CROCC: variants seen among roughly 807,000 people sequenced by gnomAD.
CROCC encodes the protein rootletin.
A neutral mutation model predicts 245.2 loss-of-function variants in CROCC; 180 were observed. The observed-to-expected ratio is 0.73, with a 90% confidence interval of 0.65 to 0.83. The LOEUF (loss-of-function observed/expected upper bound fraction) is 0.83, where lower values mean the gene tolerates loss of function less well. Among genes scored for constraint, CROCC ranks in the 40% least tolerant of loss-of-function variants. The probability of loss-of-function intolerance (pLI) is 0.00; values close to 1 mark genes in which losing one functional copy is unlikely to be tolerated. For synonymous variants in CROCC, 1,205 were observed against 1,241.6 expected (o/e 0.97, Z 0.62); for missense variants, 2,688 against 2,779.4 (o/e 0.97, Z 0.74).
chr1:16,929,971 G>A lies in CROCC; in HGVS notation c.477G>A (p.Leu159=), dbSNP rs753585132. The A allele has an allele frequency of 2.5e-5, 39 of 1,587,056 alleles. No individual in the cohort carries two copies. In the South Asian group the frequency reaches 4.4e-4, roughly 18 times the overall value. ...AGCAGGCCTCCTACCGGCGCAAGCT[G>A]CAGGCCTACCAGGAGGGCCAGCAGC... The part of the protein sequence containing the change: ...QEEQASYRRK[L]QAYQEGQQRQ... Residue 159 remains leucine, a synonymous_variant, in exon 4 of 37, where the codon CTG becomes CTA. Coordinates refer to ENST00000375541, the MANE Select transcript of CROCC (RefSeq NM_014675.5).
chr1:16,937,845 TCA>T, intron 10 of CROCC, 108 bp downstream of exon 10: 5 of 971,984 alleles, frequency 5.1e-6, no homozygotes, highest in Non-Finnish European at 8.0e-6. Context: ...AGCGTCCCAC[TCA>T]CACTCAGGTT....
intron 12 of CROCC, 143 bp downstream of exon 12, chr1:16,939,285 C>T (rs2075867860): frequency 3.9e-6 from 3 of 774,094 alleles, no homozygotes; most frequent in Middle Eastern, 3.9e-4. Flanking sequence ...CAGCCAGAGC[C>T]CTGAGAAATA....
chr1:16,921,938 C>T lies in CROCC; in HGVS notation c.-81C>T. Reference sequence around the variant, plus strand: ...ATCTGCCTGGTGCTCAGCACAGCATCCTGGCTGTGGCGCGTGCTGACTGAG... The same window carrying T: ...ATCTGCCTGGTGCTCAGCACAGCATTCTGGCTGTGGCGCGTGCTGACTGAG... On this transcript the variant is annotated 5_prime_UTR_variant, in exon 1 of 37. Coordinates refer to ENST00000375541, the MANE Select transcript of CROCC (RefSeq NM_014675.5). 2 of 1,384,344 alleles carry T rather than the reference C, an allele frequency of 1.4e-6. No homozygotes were observed. The highest frequency in any genetic ancestry group is 2.0e-6 in the Non-Finnish European group (2 of 995,324). 85.8% of individuals were successfully genotyped at this position (1,384,344 alleles called of 1,614,324 possible). A position where few individuals can be genotyped will look rare whatever the true frequency, so the allele number is the denominator to read the frequency against.
Position 16,931,503 on chromosome 1 carries a change from CA to C in CROCC, c.956+108del. 3 of 1,117,162 alleles carry C rather than the reference CA, an allele frequency of 2.7e-6. No individual in the cohort carries two copies. In the Admixed American group the frequency reaches 5.6e-5, roughly 21 times the overall value. 69.2% of individuals were successfully genotyped at this position (1,117,162 alleles called of 1,614,324 possible). A position where few individuals can be genotyped will look rare whatever the true frequency, so the allele number is the denominator to read the frequency against. On this transcript the variant is annotated intron_variant, in intron 8 of 36. Transcript: ENST00000375541. The stretch of plus-strand genomic sequence containing the variant: ...TTCAACTCAACGCACTTACTGTGCA[CA>C]AGGGCCGGTGAGGACACAGAGGCAA...
chr1:16,967,097 T>C (rs2076431022), intron 30 of CROCC, among the ~76,000 whole-genome samples: 2 of 151,966 alleles, frequency 1.3e-5, no homozygotes, highest in Non-Finnish European at 2.9e-5. Flanking sequence ...GAAAGAGAGC[T>C]TGGGCTTTGG....
intron 30 of CROCC, among the ~76,000 whole-genome samples, chr1:16,967,864 G>A (rs917083157): frequency 8.5e-5 from 13 of 152,166 alleles, no homozygotes; most frequent in African/African-American, 2.7e-4. Context: ...CCCTCCTCAG[G>A]GCTCCTGTGA....
At chr1:16,921,690 C>T (rs1435239303), upstream of CROCC, among the ~76,000 whole-genome samples, 1 of 152,268 alleles carries the variant, frequency 6.6e-6, no homozygotes, top group East Asian at 1.9e-4. Context: ...GTGTGAGGTC[C>T]TGACCTCCAG....
In CROCC at chr1:16,940,027, T is replaced by C. The variant is rs1194635816; in HGVS notation, c.1742T>C (p.Met581Thr). ...QRLRDKTDGA[M>T]QAHEDAQREV... is the part of the protein sequence containing the mutation. ...CTGCGGGACAAGACCGACGGCGCCA[T>C]GCAGGCCCACGAGGACGCCCAGCGC... Residue 581 changes from methionine (M) to threonine (T), a missense_variant, in exon 13 of 37, where the codon ATG becomes ACG. Coordinates refer to ENST00000375541, the MANE Select transcript of CROCC (RefSeq NM_014675.5). 1.5e-5 allele frequency: 24 copies of C among 1,611,204 alleles called. No individual in the cohort carries two copies. Among genetic ancestry groups the C allele is most frequent in the Non-Finnish European group, 1.6e-5 (19 of 1,179,480 alleles).
Position 16,954,313 on chromosome 1 carries a change from G to C in CROCC, c.3277G>C (p.Glu1093Gln), listed in dbSNP as rs1186356236. ...HSLATISLEM[E>Q]RQKRDAQSRQ... ...CCTGGCCACCATCTCCCTGGAGATG[G>C]AGCGGCAGAAACGAGATGCCCAGAG... Residue 1093 changes from glutamate (E) to glutamine (Q), a missense_variant, in exon 22 of 37, where the codon GAG becomes CAG. Around this residue, in one of 9 missense-constraint regions of CROCC, gnomAD observed 32 missense variants for 54.1 expected, o/e 0.59. Transcript: ENST00000375541. This position sits in a 1 kb window ranked among gnomAD's most constrained non-coding sequence, Gnocchi z 4.4. 4 of 1,612,056 alleles carry C rather than the reference G, an allele frequency of 2.5e-6. No individual in the cohort carries two copies. The highest frequency in any genetic ancestry group is 3.4e-6 in the Non-Finnish European group (4 of 1,179,970).
rs2076471561 is a variant in CROCC, at chr1:16,969,247, C to A, written c.5208C>A (p.Ala1736=). 3 of 1,613,410 alleles carry A rather than the reference C, an allele frequency of 1.9e-6. No homozygotes were observed. The highest frequency in any genetic ancestry group is 2.5e-6 in the Non-Finnish European group (3 of 1,179,866). The change falls in exon 32 of 37, where the codon GCC becomes GCA. Residue 1736 remains alanine, a synonymous_variant. Coordinates refer to ENST00000375541, the MANE Select transcript of CROCC (RefSeq NM_014675.5). ...TGCGGGGCCTGACAGAGGCCCTGGC[C>A]CAGAGCAGTGCCAGCCTCAACAGCA... ...DKVRGLTEAL[A]QSSASLNSTR...
chr1:16,931,656 A>G (rs1467090145), intron 8 of CROCC, among the ~76,000 whole-genome samples: 2 of 152,276 alleles, frequency 1.3e-5, no homozygotes, highest in Non-Finnish European at 1.5e-5. Context: ...AACTGTGTTC[A>G]TTCACATATT....
rs1472791902 is a variant in CROCC at position 16,968,271 on chromosome 1, T to C, written c.4929T>C (p.Val1643=). 1.3e-6 allele frequency: 2 copies of C among 1,561,442 alleles called. No individual in the cohort carries two copies. The highest frequency in any genetic ancestry group is 1.7e-6 in the Non-Finnish European group (2 of 1,154,250). Residue 1643 remains valine, a synonymous_variant, in exon 31 of 37, where the codon GTT becomes GTC. Coordinates refer to ENST00000375541, the MANE Select transcript of CROCC (RefSeq NM_014675.5). ...LEGDKRRLKE[V]LDASESRTVK... ...GCGACAAGCGGCGCCTGAAGGAGGT[T>C]CTGGACGCCTCCGAGAGCCGCACTG...
At position 16,970,501 on chromosome 1, in the gene CROCC, G is replaced by A. The variant is rs7541716; in HGVS notation, c.5652+48G>A. ...CCCTCACTTCCTCTGGGGCCTAACCGTGGTGGATCCCACTGCACATCCCCA... is the reference window on the plus strand; with the variant it reads ...CCCTCACTTCCTCTGGGGCCTAACCATGGTGGATCCCACTGCACATCCCCA... On this transcript the variant is annotated intron_variant, in intron 34 of 36. Transcript: ENST00000375541. 451 of 1,508,036 alleles carry A rather than the reference G, an allele frequency of 3.0e-4. 3 individuals carry two copies. In the African/African-American group the frequency reaches 4.6e-3, roughly 15 times the overall value. The allele number at this position is 1,508,036 out of a possible 1,614,324, so 93.4% of individuals were successfully genotyped here.
intron 1 of CROCC, among the ~76,000 whole-genome samples, chr1:16,915,826 A>T (rs1466409229): frequency 2.6e-5 from 4 of 152,366 alleles, no homozygotes; most frequent in Non-Finnish European, 4.4e-5. Flanking sequence ...TCCCAGGCAG[A>T]GAAAGTGGCA....
chr1:16,927,216 C>T (rs561165178), intron 3 of CROCC, among the ~76,000 whole-genome samples: 191 of 152,338 alleles, frequency 1.3e-3, no homozygotes, highest in African/African-American at 4.3e-3. Context: ...TAGCCGCACA[C>T]ACAGCCAGAT....
Position 16,961,105 on chromosome 1 carries a change from C to G in CROCC, c.4380C>G (p.Ser1460=). 7.3e-7 allele frequency: 1 copy of G among 1,363,752 alleles called. No individual in the cohort carries two copies. The highest frequency in any genetic ancestry group is 9.4e-7 in the Non-Finnish European group (1 of 1,062,014). 84.5% of individuals were successfully genotyped at this position (1,363,752 alleles called of 1,614,324 possible). The change falls in exon 27 of 37, where the codon TCC becomes TCG. Residue 1460 remains serine, a synonymous_variant. Transcript: ENST00000375541. ...PSPAPRPVPG[S]PARDAPAEGS... Reference sequence around the variant, plus strand: ...CAGCCCCGCGGCCAGTGCCCGGTTCCCCTGCCCGGGACGCACCCGCAGAAG... The same window carrying G: ...CAGCCCCGCGGCCAGTGCCCGGTTCGCCTGCCCGGGACGCACCCGCAGAAG...
rs373190762 is a variant in CROCC at position 16,944,331 on chromosome 1, G to A, written c.1991+49G>A. On this transcript the variant is annotated intron_variant, in intron 14 of 36. Coordinates refer to ENST00000375541, the MANE Select transcript of CROCC (RefSeq NM_014675.5). ...CCAGGACCCTTCAGATGTGCCTCGGGTCCCCTGACAGTGCCCCCCTGGGGT... is the reference window on the plus strand; with the variant it reads ...CCAGGACCCTTCAGATGTGCCTCGGATCCCCTGACAGTGCCCCCCTGGGGT... The A allele has an allele frequency of 9.2e-5, 136 of 1,472,222 alleles. No homozygotes were observed. The East Asian group carries it at 2.4e-3, about 26-fold the overall frequency. 91.2% of individuals were successfully genotyped at this position (1,472,222 alleles called of 1,614,324 possible).
rs764225967 is a variant in CROCC, at chr1:16,930,318, C to A, written c.654C>A (p.Ala218=). The A allele has an allele frequency of 6.2e-7, 1 of 1,609,036 alleles. No homozygotes were observed. The change falls in exon 6 of 37, where the codon GCC becomes GCA. Residue 218 remains alanine, a synonymous_variant. Transcript: ENST00000375541. ...AGCACAGCCAAGACCTGGAAAGCGCCCTCATCCGGCTGGAGGAGGAGCAGC... is the reference window on the plus strand; with the variant it reads ...AGCACAGCCAAGACCTGGAAAGCGCACTCATCCGGCTGGAGGAGGAGCAGC... ...DTEHSQDLES[A]LIRLEEEQQR... is the part of the protein sequence containing the mutation.
intron 10 of CROCC, among the ~76,000 whole-genome samples, chr1:16,938,006 T>C (rs2075830140): frequency 6.6e-6 from 1 of 152,286 alleles, no homozygotes; most frequent in Non-Finnish European, 1.5e-5. Flanking sequence ...TCAGAGCCAC[T>C]AAGCGGGAGA....
Sources: allele counts gnomAD v4.1 joint callset (sites outside exome capture counted in the v4.1 genomes callset), GRCh38; gene constraint gnomAD v4.1.1; regional missense constraint gnomAD v4.1.1; non-coding constraint Gnocchi (gnomAD v3.1); transcripts MANE v1.5; gene names NCBI Gene and HGNC (gene_info 2026-07-23, HGNC 2026-07-21).